Variants in GUCY1A2 observed in about 807,000 individuals in gnomAD.
GUCY1A2 encodes the protein guanylate cyclase soluble subunit alpha-2.
A neutral mutation model predicts 63.5 loss-of-function variants in GUCY1A2; 27 were observed. The ratio of observed to expected loss-of-function variants is 0.43; its 90% CI spans 0.31 to 0.59. GUCY1A2 has a LOEUF of 0.59. GUCY1A2 is among the 20% of genes least tolerant of loss of function. The pLI is 0.11. For synonymous variants in GUCY1A2, 364 were observed against 343.5 expected, an observed-to-expected ratio of 1.06 and a Z score of -0.66; for missense variants, 768 against 913.3, an observed-to-expected ratio of 0.84 and a Z score of 2.05.
At chr11:106,851,391 T>A (rs142533264) in intron 4 of GUCY1A2, among the ~76,000 whole-genome samples, 1 of 151,914 alleles carries the variant, frequency 6.6e-6, no homozygotes, top group East Asian at 1.9e-4. Flanking sequence ...TTTTGTCACC[T>A]GTGCTTTTAA....
intron 6 of GUCY1A2, among the ~76,000 whole-genome samples, chr11:106,716,555 C>T (rs1039443824): frequency 6.6e-6 from 1 of 151,866 alleles, no homozygotes; most frequent in South Asian, 2.1e-4. Flanking sequence ...CTGACGCCAC[C>T]CCCAGGTCCA....
At chr11:106,809,887 G>A in intron 5 of GUCY1A2, 106 bp downstream of exon 5, 1 of 701,926 alleles carries the variant, frequency 1.4e-6, no homozygotes, top group Non-Finnish European at 2.3e-6. Context: ...CTAAATTAAA[G>A]AGTTGTCAAT....
In GUCY1A2 at chr11:106,682,887, G is replaced by A. The variant is rs1862455115; in HGVS notation, c.*4662C>T. On this transcript the variant is annotated 3_prime_UTR_variant, in exon 8 of 8. Coordinates refer to ENST00000526355, the MANE Select transcript of GUCY1A2 (RefSeq NM_000855.3). ...CGCAGGTTTCAATTGTTTGGATCAAGTGTGAGGAAGGAATTTTGCACACTA... is the reference window on the plus strand; with the variant it reads ...CGCAGGTTTCAATTGTTTGGATCAAATGTGAGGAAGGAATTTTGCACACTA... 4.6e-6 allele frequency: 1 copy of A among 216,472 alleles called. No individual in the cohort carries two copies. Among genetic ancestry groups the A allele is most frequent in the Admixed American group, 5.8e-5 (1 of 17,210 alleles). 13.4% of individuals were successfully genotyped at this position (216,472 alleles called of 1,614,324 possible). A position where few individuals can be genotyped will look rare whatever the true frequency, so the allele number is the denominator to read the frequency against.
At chr11:106,715,243 G>T (rs1863193994) in intron 6 of GUCY1A2, among the ~76,000 whole-genome samples, 1 of 152,118 alleles carries the variant, frequency 6.6e-6, no homozygotes, top group Non-Finnish European at 1.5e-5. Context: ...TAGAATGCTT[G>T]CACAGTTCCA....
At chr11:106,948,649 G>C (rs1181559310) in intron 3 of GUCY1A2, among the ~76,000 whole-genome samples, 3 of 152,028 alleles carry the variant, frequency 2.0e-5, no homozygotes. Context: ...TATTATCTTG[G>C]AGGTTCTAGA....
At chr11:106,728,536 C>A (rs1342155539) in intron 6 of GUCY1A2, among the ~76,000 whole-genome samples, 1 of 152,170 alleles carries the variant, frequency 6.6e-6, no homozygotes, top group Non-Finnish European at 1.5e-5. Flanking sequence ...AGACAGAACA[C>A]AAGCCATGTG....
At chr11:106,851,822 T>C (rs1859359805) in intron 4 of GUCY1A2, among the ~76,000 whole-genome samples, 1 of 152,008 alleles carries the variant, frequency 6.6e-6, no homozygotes, top group South Asian at 2.1e-4. Flanking sequence ...CAGTATTTCT[T>C]TCGCAATTAG....
In GUCY1A2 at chr11:106,683,251, A is replaced by ATAATC; in HGVS notation, c.*4293_*4297dup. Reference sequence around the variant, plus strand: ...ACATAATTTTTGTAGCTGAAGGTCTATAATCTAATAGTAGAAAAAACTAAG... The same window carrying ATAATC: ...ACATAATTTTTGTAGCTGAAGGTCTATAATCTAATCTAATAGTAGAAAAAACTAAG... On this transcript the variant is annotated 3_prime_UTR_variant, in exon 8 of 8. Coordinates refer to ENST00000526355, the MANE Select transcript of GUCY1A2 (RefSeq NM_000855.3). The ATAATC allele has an allele frequency of 4.6e-6, 1 of 217,802 alleles. No homozygotes were observed. The highest frequency in any genetic ancestry group is 6.7e-5 in the East Asian group (1 of 14,822). 13.5% of individuals were successfully genotyped at this position (217,802 alleles called of 1,614,324 possible).
At chr11:106,961,197 C>T (rs1389832552) in intron 3 of GUCY1A2, among the ~76,000 whole-genome samples, 1 of 151,990 alleles carries the variant, frequency 6.6e-6, no homozygotes, top group African/African-American at 2.4e-5. Context: ...CAAAGGAGAG[C>T]AGCCCCCACT....
chr11:106,927,115 T>G (rs1860535055), intron 4 of GUCY1A2, among the ~76,000 whole-genome samples: 1 of 151,898 alleles, frequency 6.6e-6, no homozygotes, highest in Non-Finnish European at 1.5e-5. Flanking sequence ...GGCTCACACC[T>G]GTAATCCCAG....
chr11:106,985,817 C>T (rs1005224170), intron 2 of GUCY1A2, among the ~76,000 whole-genome samples: 2 of 152,014 alleles, frequency 1.3e-5, no homozygotes, highest in African/African-American at 2.4e-5. Context: ...AGAGTAAGAA[C>T]ATGAGAAGAC....
chr11:106,990,703 T>C (rs757321054), intron 1 of GUCY1A2, among the ~76,000 whole-genome samples: 3 of 152,244 alleles, frequency 2.0e-5, no homozygotes, highest in African/African-American at 4.8e-5. Flanking sequence ...GTTAAGCAAG[T>C]GTCACAAGAT....
chr11:106,878,844 T>C (rs185486685), intron 4 of GUCY1A2, among the ~76,000 whole-genome samples: 1 of 151,588 alleles, frequency 6.6e-6, no homozygotes, highest in African/African-American at 2.4e-5. Flanking sequence ...TCCCTGGAGC[T>C]TCCAGAAGTA....
chr11:106,987,773 C>T lies in GUCY1A2; in HGVS notation c.304-1642G>A, dbSNP rs554872130. Reference sequence around the variant, plus strand: ...AACACTCTCCCTACCTAACACTCTTCGAATCTTTAACATCCTCCTTGGTAG... The same window carrying T: ...AACACTCTCCCTACCTAACACTCTTTGAATCTTTAACATCCTCCTTGGTAG... On this transcript the variant is annotated intron_variant, in intron 1 of 7. Transcript: ENST00000526355. 5.9e-5 allele frequency among the ~76,000 whole-genome samples: 9 copies of T among 152,166 alleles called. 1 individual carries two copies. The highest frequency in any genetic ancestry group is 1.7e-4 in the African/African-American group (7 of 41,480).
rs117402134 is a variant in GUCY1A2 at position 106,828,813 on chromosome 11, G to C, written c.1207-18335C>G. Among the ~76,000 whole-genome samples the C allele has an allele frequency of 4.8e-3, 730 of 152,260 alleles. 6 individuals carry two copies. Among genetic ancestry groups the C allele is most frequent in the Non-Finnish European group, 5.0e-3 (339 of 68,018 alleles). On this transcript the variant is annotated intron_variant, in intron 4 of 7. Transcript: ENST00000526355. ...ATGTGGAGTTCAGTGGAATCCCAGA[G>C]CTAGCACATGAACAAGTCCATCAAG...
intron 4 of GUCY1A2, among the ~76,000 whole-genome samples, chr11:106,888,875 T>C (rs1035004526): frequency 6.6e-6 from 1 of 152,094 alleles, no homozygotes; most frequent in African/African-American, 2.4e-5. Flanking sequence ...TTTTAACACT[T>C]CTTGAGGACA....
At chr11:107,005,744 C>T (rs1413939957) in intron 1 of GUCY1A2, among the ~76,000 whole-genome samples, 1 of 152,072 alleles carries the variant, frequency 6.6e-6, no homozygotes, top group African/African-American at 2.4e-5. Flanking sequence ...AAACAAGAAC[C>T]TGGTAAGATC....
chr11:106,689,364 T>TA (rs1377581284), intron 7 of GUCY1A2, among the ~76,000 whole-genome samples: 1 of 152,078 alleles, frequency 6.6e-6, no homozygotes, highest in African/African-American at 2.4e-5. Context: ...ATTCGGTATA[T>TA]AAAAAACAAG....
intron 4 of GUCY1A2, among the ~76,000 whole-genome samples, chr11:106,855,080 G>A (rs1211667902): frequency 1.3e-5 from 2 of 152,110 alleles, no homozygotes; most frequent in African/African-American, 2.4e-5. Context: ...AATGTAGTCT[G>A]GTGGGAGTTG....
Sources: gnomAD v4.1 joint callset for allele counts (sites outside exome capture counted in the v4.1 genomes callset) on GRCh38, gnomAD v4.1.1 for gene constraint, MANE v1.5 for transcripts, NCBI Gene and HGNC (gene_info 2026-07-23, HGNC 2026-07-21) for gene names.